ALAD: variants seen among roughly 807,000 people sequenced by gnomAD.
The protein encoded by ALAD is aminolevulinate dehydratase.
In ALAD, 20 loss-of-function variants were observed where a neutral mutation model predicts 44.4. The observed-to-expected ratio is 0.45, with a 90% CI of 0.32 to 0.65. ALAD has a LOEUF of 0.65. Among genes scored for constraint, ALAD ranks in the 30% least tolerant of loss-of-function variants. ALAD has a pLI of 0.05. For missense variants in ALAD, 323 were observed against 445.7 expected (o/e 0.72, Z 2.48); for synonymous variants, 156 against 167.9 (o/e 0.93, Z 0.55).
At chr9:113,394,773 C>T (rs1430332217) in intron 1 of ALAD, among the ~76,000 whole-genome samples, 2 of 151,564 alleles carry the variant, frequency 1.3e-5, no homozygotes, top group Admixed American at 6.6e-5. Context: ...TACTGTTGGC[C>T]GGGCATGGCG....
rs924720229 is a variant in ALAD, at chr9:113,394,742, A to G, written c.-75-1108T>C. Among the ~76,000 whole-genome samples, 8 of 151,926 alleles carry G rather than the reference A, an allele frequency of 5.3e-5. No individual in the cohort carries two copies. The East Asian group carries it at 9.7e-4, about 18-fold the overall frequency. On this transcript the variant is annotated intron_variant, in intron 1 of 11. Coordinates refer to ENST00000409155, the MANE Select transcript of ALAD (RefSeq NM_000031.6). ...AAGCAAAAAGAGAAAAATCCCCTGC[A>G]ATTCTACCTCTAGAGAAAAGTACTG...
chr9:113,391,876 T>A (rs1827595293), intron 3 of ALAD, among the ~76,000 whole-genome samples: 1 of 152,190 alleles, frequency 6.6e-6, no homozygotes, highest in Admixed American at 6.5e-5. Context: ...CCATCTGCAG[T>A]TCAGCTCCCT....
intron 1 of ALAD, among the ~76,000 whole-genome samples, chr9:113,399,896 CAAAGGCCCAG>C (rs1047598478): frequency 5.9e-5 from 9 of 152,336 alleles, no homozygotes; most frequent in African/African-American, 2.2e-4. Flanking sequence ...CAAAGCCCCA[CAAAGGCCCAG>C]GAGAGCAGCT....
At chr9:113,389,308 T>C in intron 10 of ALAD, 130 bp downstream of exon 10, 2 of 1,331,552 alleles carry the variant, frequency 1.5e-6, no homozygotes, top group Non-Finnish European at 2.1e-6. Flanking sequence ...GCCACGATGG[T>C]TCCTGGGCAG....
At chr9:113,389,711 G>A in intron 8 of ALAD, 25 bp from the exon 9 acceptor site, 1 of 1,614,134 alleles carries the variant, frequency 6.2e-7, no homozygotes, top group South Asian at 1.1e-5. Flanking sequence ...CATCAGGGTG[G>A]GCTCCAGCTT....
chr9:113,389,318 G>T, intron 10 of ALAD, 120 bp downstream of exon 10: 1 of 1,346,142 alleles, frequency 7.4e-7, no homozygotes, highest in Non-Finnish European at 1.0e-6. Context: ...TTCCTGGGCA[G>T]GGAAGGGGAG....
At position 113,391,677 on chromosome 9, in the gene ALAD, C is replaced by A. The variant is rs1827590905; in HGVS notation, c.165-54G>T. ...GGAAGGCAGGTCCCAGGCAACGGTC[C>A]TCCGGACCCCACCACACTGTGTGCC... is the stretch of plus-strand genomic sequence containing the variant. On this transcript the variant is annotated intron_variant, in intron 3 of 11. Coordinates refer to ENST00000409155, the MANE Select transcript of ALAD (RefSeq NM_000031.6). 4 of 1,418,754 alleles carry A rather than the reference C, an allele frequency of 2.8e-6. No individual in the cohort carries two copies. The African/African-American group carries it at 4.2e-5, about 15-fold the overall frequency. The allele number at this position is 1,418,754 out of a possible 1,614,324, so 87.9% of individuals were successfully genotyped here.
chr9:113,391,266 G>A (rs571116408), intron 4 of ALAD, among the ~76,000 whole-genome samples: 2 of 152,054 alleles, frequency 1.3e-5, no homozygotes, highest in African/African-American at 2.4e-5. Context: ...GCACTGGCGC[G>A]ATTTTGGCTC....
intron 2 of ALAD, among the ~76,000 whole-genome samples, chr9:113,392,826 T>C (rs554552055): frequency 1.3e-5 from 2 of 148,896 alleles, no homozygotes; most frequent in African/African-American, 5.0e-5. Context: ...TTTTTTTTTT[T>C]TTTTTTTTTG....
chr9:113,391,719 C>A, intron 3 of ALAD, 96 bp from the exon 4 acceptor site: 1 of 989,432 alleles, frequency 1.0e-6, no homozygotes, highest in Non-Finnish European at 1.6e-6. Context: ...AGAAACCAAG[C>A]TGCATATGGC....
rs554533853 is a variant in ALAD at position 113,397,620 on chromosome 9, CTT to C, written c.-76+3590_-76+3591del. On this transcript the variant is annotated intron_variant, in intron 1 of 11. Transcript: ENST00000409155. ...TCTGCCAGGAGTTTTTTTTCCTTTT[CTT>C]TTTTTTTTTTTTTTTTTTTTGAGAC... 7.5e-3 allele frequency among the ~76,000 whole-genome samples: 816 copies of C among 108,664 alleles called. 1 individual carries two copies. The highest frequency in any genetic ancestry group is 0.026 in the African/African-American group (738 of 28,072). 71.3% of individuals were successfully genotyped at this position (108,664 alleles called of 152,430 possible). A position where few individuals can be genotyped will look rare whatever the true frequency, so the allele number is the denominator to read the frequency against.
chr9:113,391,786 G>A (rs1827593264), intron 3 of ALAD, among the ~76,000 whole-genome samples, 163 bp from the exon 4 acceptor site: 1 of 152,228 alleles, frequency 6.6e-6, no homozygotes, highest in Admixed American at 6.5e-5. Context: ...CACTAAATAG[G>A]AGGGAAGACT....
chr9:113,393,644 G>T lies in ALAD; in HGVS notation c.-75-10C>A. On this transcript the variant is annotated splice_polypyrimidine_tract_variant and intron_variant, in intron 1 of 11. Coordinates refer to ENST00000409155, the MANE Select transcript of ALAD (RefSeq NM_000031.6). Reference sequence around the variant, plus strand: ...TGGCTGCAGGCTCTGTCTGTGGGGGGTGATGGGTGGCACATGAGACATGGT... The same window carrying T: ...TGGCTGCAGGCTCTGTCTGTGGGGGTTGATGGGTGGCACATGAGACATGGT... 9.1e-7 allele frequency: 1 copy of T among 1,097,694 alleles called. No homozygotes were observed. The allele number at this position is 1,097,694 out of a possible 1,614,324, so 68.0% of individuals were successfully genotyped here.
At chr9:113,395,054 C>CA (rs754746652) in intron 1 of ALAD, among the ~76,000 whole-genome samples, 2,305 of 137,708 alleles carry the variant, frequency 0.017, 27 homozygotes, top group Non-Finnish European at 0.024. Flanking sequence ...GACTTCATTC[C>CA]AAAAAAAAAA....
At chr9:113,392,206 T>C in intron 2 of ALAD, 37 bp from the exon 3 acceptor site, 2 of 1,613,204 alleles carry the variant, frequency 1.2e-6, no homozygotes, top group Middle Eastern at 1.7e-4. Context: ...TTGGTAGCTG[T>C]GGGAAGGGCC....
intron 1 of ALAD, among the ~76,000 whole-genome samples, chr9:113,395,932 G>A (rs529281564): frequency 5.3e-5 from 8 of 151,952 alleles, no homozygotes; most frequent in African/African-American, 1.9e-4. Flanking sequence ...GGTGGCTCAC[G>A]CCTGTAATCC....
intron 10 of ALAD, 101 bp from the exon 11 acceptor site, chr9:113,389,207 G>A (rs1054489339): frequency 7.3e-5 from 112 of 1,539,424 alleles, no homozygotes; most frequent in Non-Finnish European, 8.5e-5. Flanking sequence ...CTTGAGCCCC[G>A]TGTCCTGGGT....
intron 5 of ALAD, 57 bp from the exon 6 acceptor site, chr9:113,390,733 C>T (rs1477087584): frequency 1.2e-6 from 2 of 1,601,628 alleles, no homozygotes; most frequent in East Asian, 4.5e-5. Context: ...CTGTCCCCAC[C>T]CTGTTGAGAA....
At position 113,390,865 on chromosome 9, in the gene ALAD, C is replaced by A. The variant is rs138064710; in HGVS notation, c.330G>T (p.Lys110Asn). 77 of 1,614,128 alleles carry A rather than the reference C, an allele frequency of 4.8e-5. No homozygotes were observed. In the African/African-American group the frequency reaches 9.6e-4, roughly 20 times the overall value. Reference sequence around the variant, plus strand: ...AGGCCACCAGGAGGTTGGGGAAGGTCTTCCTCAACAGATGGATTGCCTCAA... The same window carrying A: ...AGGCCACCAGGAGGTTGGGGAAGGTATTCCTCAACAGATGGATTGCCTCAA... ...PAIEAIHLLR[K>N]TFPNLLVACD... Residue 110 changes from lysine to asparagine, a missense_variant, in exon 5 of 12, where the codon AAG becomes AAT. Transcript: ENST00000409155.
Sources: gnomAD v4.1 joint callset for allele counts (sites outside exome capture counted in the v4.1 genomes callset) on GRCh38, gnomAD v4.1.1 for gene constraint, MANE v1.5 for transcripts, NCBI Gene and HGNC (gene_info 2026-07-23, HGNC 2026-07-21) for gene names.